Variants in KCTD7 observed in about 807,000 individuals in gnomAD.
The protein encoded by KCTD7 is potassium channel tetramerization domain containing 7.
A neutral mutation model predicts 27.0 loss-of-function variants in KCTD7; 15 were observed. The observed-to-expected ratio is 0.56, with a 90% confidence interval of 0.37 to 0.86. The LOEUF (loss-of-function observed/expected upper bound fraction) is 0.86. KCTD7 is among the 40% of genes least tolerant of loss of function. The probability of loss-of-function intolerance (pLI) is 0.00; values close to 1 mark genes in which losing one functional copy is unlikely to be tolerated. For missense variants in KCTD7, 299 were observed against 398.9 expected, an observed-to-expected ratio of 0.75 and a Z score of 2.13; for synonymous variants, 159 against 162.7, an observed-to-expected ratio of 0.98 and a Z score of 0.17.
At position 66,639,425 on chromosome 7, in the gene KCTD7, G is replaced by A; in HGVS notation, c.*193G>A. On this transcript the variant is annotated 3_prime_UTR_variant, in exon 4 of 4. Transcript: ENST00000639828. Reference sequence around the variant, plus strand: ...GACTGCACCTCAGGGTTGGGCTCAGGGCTTGCGGCCTGCAGGCACTCCAGC... The same window carrying A: ...GACTGCACCTCAGGGTTGGGCTCAGAGCTTGCGGCCTGCAGGCACTCCAGC... 6.8e-7 allele frequency: 1 copy of A among 1,475,504 alleles called. No individual in the cohort carries two copies. Among genetic ancestry groups the A allele is most frequent in the South Asian group, 1.3e-5 (1 of 74,442 alleles). 91.4% of individuals were successfully genotyped at this position (1,475,504 alleles called of 1,614,324 possible). A position where few individuals can be genotyped will look rare whatever the true frequency, so the allele number is the denominator to read the frequency against.
In KCTD7 at chr7:66,639,005, A is replaced by G. The variant is rs2116775392; in HGVS notation, c.643A>G (p.Ser215Gly). The G allele has an allele frequency of 6.2e-7, 1 of 1,614,120 alleles. No individual in the cohort carries two copies. The highest frequency in any genetic ancestry group is 1.1e-5 in the South Asian group (1 of 91,078). Residue 215 changes from serine (S) to glycine (G), a missense_variant, in exon 4 of 4, where the codon AGT (serine) becomes GGT (glycine). Physicochemically the swap from Ser to Gly is moderately conservative, Grantham distance 56. Coordinates refer to ENST00000639828, the MANE Select transcript of KCTD7 (RefSeq NM_153033.5). ...PLLNSLRFERSESDGQLFEHH... is the reference protein window; with the variant it reads ...PLLNSLRFERGESDGQLFEHH... ...CCTCAACTCCCTGCGATTTGAGCGG[A>G]GTGAGAGTGACGGGCAGCTTTTTGA... is the stretch of plus-strand genomic sequence containing the variant.
intron 2 of KCTD7, among the ~76,000 whole-genome samples, chr7:66,637,172 A>G (rs1786606565): frequency 6.6e-6 from 1 of 152,192 alleles, no homozygotes; most frequent in Non-Finnish European, 1.5e-5. Context: ...TGCAACCTCC[A>G]CTTCCCAGGT....
chr7:66,634,761 T>TCTC (rs35694149), intron 2 of KCTD7, among the ~76,000 whole-genome samples: 100,360 of 151,018 alleles, frequency 0.66, 33,694 homozygotes, highest in African/African-American at 0.76. Flanking sequence ...ACAGTGTTGT[T>TCTC]CTTTAATTTT....
At position 66,633,273 on chromosome 7, in the gene KCTD7, A is replaced by G. The variant is rs1554397774; in HGVS notation, c.145-2A>G. ...CTGAGAGCCCTGGTGATTTCTTTCC[A>G]GTTTCCTGAGGTTGTTCCCCTTAAC... On this transcript the variant is annotated splice_acceptor_variant, in intron 1 of 3. Transcript: ENST00000639828. LOFTEE classifies it high-confidence loss of function. The G allele has an allele frequency of 3.1e-6, 5 of 1,613,760 alleles. No individual in the cohort carries two copies. Among genetic ancestry groups the G allele is most frequent in the Non-Finnish European group, 3.4e-6 (4 of 1,179,832 alleles).
chr7:66,630,797 C>G (rs1039792844), intron 1 of KCTD7, among the ~76,000 whole-genome samples: 2 of 152,018 alleles, frequency 1.3e-5, no homozygotes, highest in African/African-American at 4.8e-5. Context: ...AGACCAGGGC[C>G]CCACCACCAG....
rs908891854 is a variant in KCTD7, at chr7:66,628,884, TGGGCGCGAGCGGGTCGGCGTTGA to T, written c.-177_-155del. Reference sequence around the variant, plus strand: ...GGAGGCGGTCGGGTCAGGCCCCAGCTGGGCGCGAGCGGGTCGGCGTTGAGGGAGCCACCGCCCTCCCGCCTGCG... The same window carrying T: ...GGAGGCGGTCGGGTCAGGCCCCAGCTGGGAGCCACCGCCCTCCCGCCTGCG... On this transcript the variant is annotated 5_prime_UTR_variant, in exon 1 of 4. Coordinates refer to ENST00000639828, the MANE Select transcript of KCTD7 (RefSeq NM_153033.5). 3.7e-5 allele frequency: 18 copies of T among 488,318 alleles called. No individual in the cohort carries two copies. The highest frequency in any genetic ancestry group is 3.5e-4 in the African/African-American group (17 of 48,790). The allele number at this position is 488,318 out of a possible 1,614,324, so 30.2% of individuals were successfully genotyped here.
chr7:66,630,413 T>A (rs891149010), intron 1 of KCTD7, among the ~76,000 whole-genome samples: 1 of 152,104 alleles, frequency 6.6e-6, no homozygotes, highest in African/African-American at 2.4e-5. Context: ...CAACACAGAC[T>A]CCATCTCTAC....
downstream of KCTD7, chr7:66,643,158 T>A: frequency 3.2e-6 from 3 of 943,780 alleles, no homozygotes; most frequent in Non-Finnish European, 3.7e-6. Flanking sequence ...TGTTTGGGGA[T>A]GCCCCACACA....
At position 66,639,477 on chromosome 7, in the gene KCTD7, G is replaced by C. The variant is rs1003311931; in HGVS notation, c.*245G>C. On this transcript the variant is annotated 3_prime_UTR_variant, in exon 4 of 4. Transcript: ENST00000639828. ...AGCGCTCACCTGGCCTTTCCTCAAG[G>C]CATGGTAGTCTTTCCTTGAGGCTGA... 9.8e-6 allele frequency: 14 copies of C among 1,421,768 alleles called. No individual in the cohort carries two copies. In the South Asian group the frequency reaches 1.8e-4, roughly 18 times the overall value. The allele number at this position is 1,421,768 out of a possible 1,614,324, so 88.1% of individuals were successfully genotyped here. A position where few individuals can be genotyped will look rare whatever the true frequency, so the allele number is the denominator to read the frequency against.
At chr7:66,631,162 C>A (rs572531564) in intron 1 of KCTD7, among the ~76,000 whole-genome samples, 2 of 152,124 alleles carry the variant, frequency 1.3e-5, no homozygotes, top group Non-Finnish European at 2.9e-5. Context: ...TTGAGCCAGG[C>A]GCTGCACAAG....
intron 2 of KCTD7, among the ~76,000 whole-genome samples, chr7:66,636,521 G>A (rs1316183336): frequency 1.3e-5 from 2 of 151,812 alleles, no homozygotes; most frequent in Non-Finnish European, 2.9e-5. Flanking sequence ...GTTGTATTAG[G>A]TCATAGACTA....
chr7:66,641,597 T>C lies in KCTD7; in HGVS notation c.*2365T>C. ...AGAAATCCCTGTTTCTCTGACTCCCTTTGTGATCCTCACAGTAATGTATTC... is the reference window on the plus strand; with the variant it reads ...AGAAATCCCTGTTTCTCTGACTCCCCTTGTGATCCTCACAGTAATGTATTC... On this transcript the variant is annotated 3_prime_UTR_variant, in exon 4 of 4. Transcript: ENST00000639828. 1.0e-6 allele frequency: 1 copy of C among 985,478 alleles called. No homozygotes were observed. 61.0% of individuals were successfully genotyped at this position (985,478 alleles called of 1,614,324 possible).
chr7:66,632,332 A>G (rs1786469161), intron 1 of KCTD7, among the ~76,000 whole-genome samples: 1 of 151,812 alleles, frequency 6.6e-6, no homozygotes, highest in South Asian at 2.1e-4. Flanking sequence ...CTAAAAATAC[A>G]AAAAATTAGC....
rs1192456060 is a variant in KCTD7 at position 66,628,899 on chromosome 7, C to G, written c.-166C>G. On this transcript the variant is annotated 5_prime_UTR_variant, in exon 1 of 4. Transcript: ENST00000639828. Reference sequence around the variant, plus strand: ...AGGCCCCAGCTGGGCGCGAGCGGGTCGGCGTTGAGGGAGCCACCGCCCTCC... The same window carrying G: ...AGGCCCCAGCTGGGCGCGAGCGGGTGGGCGTTGAGGGAGCCACCGCCCTCC... The G allele has an allele frequency of 5.3e-6, 3 of 564,432 alleles. No individual in the cohort carries two copies. In the East Asian group the frequency reaches 1.2e-4, roughly 22 times the overall value. The allele number at this position is 564,432 out of a possible 1,614,324, so 35.0% of individuals were successfully genotyped here. A position where few individuals can be genotyped will look rare whatever the true frequency, so the allele number is the denominator to read the frequency against.
At chr7:66,631,568 C>CAAA (rs147951741) in intron 1 of KCTD7, among the ~76,000 whole-genome samples, 2 of 100,230 alleles carry the variant, frequency 2.0e-5, no homozygotes, top group Admixed American at 1.0e-4. Flanking sequence ...GATTCCGTCT[C>CAAA]AAAAAAAAAA....
At chr7:66,638,488 G>A in intron 3 of KCTD7, 57 bp downstream of exon 3, 5 of 1,577,516 alleles carry the variant, frequency 3.2e-6, no homozygotes, top group Non-Finnish European at 4.3e-6. Flanking sequence ...CAAGGCATCT[G>A]TGAGTGTTTA....
At chr7:66,632,968 G>C (rs2116763032) in intron 1 of KCTD7, among the ~76,000 whole-genome samples, 1 of 152,022 alleles carries the variant, frequency 6.6e-6, no homozygotes, top group African/African-American at 2.4e-5. Context: ...TGAGGCAGGA[G>C]AATGGCGTGA....
At chr7:66,635,501 C>G (rs1188165500) in intron 2 of KCTD7, among the ~76,000 whole-genome samples, 1 of 151,310 alleles carries the variant, frequency 6.6e-6, no homozygotes, top group Non-Finnish European at 1.5e-5. Context: ...TTGGTGTGAC[C>G]CCTAGCCATG....
rs529063727 is a variant in KCTD7 at position 66,633,312 on chromosome 7, A to T, written c.182A>T (p.His61Leu). ...EVVPLNIGGA[H>L]FTTRLSTLRC... ...GTTCCCCTTAACATCGGAGGGGCTC[A>T]CTTCACTACACGCCTGTCCACACTG... The change falls in exon 2 of 4, where the codon CAC (histidine) becomes CTC (leucine). Residue 61 changes from histidine to leucine, a missense_variant. Coordinates refer to ENST00000639828, the MANE Select transcript of KCTD7 (RefSeq NM_153033.5). 2 of 1,613,780 alleles carry T rather than the reference A, an allele frequency of 1.2e-6. No individual in the cohort carries two copies. Among genetic ancestry groups the T allele is most frequent in the African/African-American group, 1.3e-5 (1 of 74,872 alleles).
Sources: allele counts gnomAD v4.1 joint callset (sites outside exome capture counted in the v4.1 genomes callset), GRCh38; gene constraint gnomAD v4.1.1; transcripts MANE v1.5; gene names NCBI Gene and HGNC (gene_info 2026-07-23, HGNC 2026-07-21).